The following NTSR2 variants were observed in gnomAD, a reference collection of about 807,000 sequenced individuals.
The protein encoded by NTSR2 is neurotensin receptor type 2.
Under a neutral mutation model 24.1 loss-of-function variants are expected in NTSR2, and 22 were observed. That is an observed-to-expected ratio of 0.91 (90% CI 0.65 to 1.30). NTSR2 has a LOEUF of 1.30. Ranked by LOEUF, NTSR2 falls within the 50% of genes most tolerant of loss-of-function variation. NTSR2 has a pLI of 0.00. For synonymous variants in NTSR2, 291 were observed against 267.0 expected, an observed-to-expected ratio of 1.09 and a Z score of -0.88; for missense variants, 570 against 570.4, an observed-to-expected ratio of 1.00 and a Z score of 0.01.
chr2:11,666,103 C>G (rs931165471), intron 1 of NTSR2: 3 of 152,284 alleles, frequency 2.0e-5, no homozygotes, highest in Middle Eastern at 3.2e-3. Context: ...GATGATACCC[C>G]TTGGTAGAGC....
intron 1 of NTSR2, 46 bp downstream of exon 1, chr2:11,669,460 G>GGGGGGGGGGGGGCCCCCC: frequency 6.3e-5 from 16 of 254,712 alleles, no homozygotes; most frequent in East Asian, 1.6e-4. Context: ...TCCCAGCACC[G>GGGGGGGGGGGGGCCCCCC]CCCCCCCACC....
At chr2:11,666,919 T>A (rs1384262266) in intron 1 of NTSR2, among the ~76,000 whole-genome samples, 4 of 152,022 alleles carry the variant, frequency 2.6e-5, no homozygotes, top group Admixed American at 6.5e-5. Flanking sequence ...AAGGGAGAGC[T>A]GGAGTTAAAC....
intron 1 of NTSR2, among the ~76,000 whole-genome samples, chr2:11,666,182 A>G (rs1661194848): frequency 1.3e-5 from 2 of 152,180 alleles, no homozygotes; most frequent in Admixed American, 1.3e-4. Flanking sequence ...CAAAGAGAGC[A>G]GAGAGATGAG....
chr2:11,669,459 C>CGGGCGGGGG, intron 1 of NTSR2, 47 bp downstream of exon 1: 4 of 337,892 alleles, frequency 1.2e-5, no homozygotes, highest in East Asian at 4.3e-5. Context: ...CTCCCAGCAC[C>CGGGCGGGGG]GCCCCCCCAC....
At position 11,662,090 on chromosome 2, in the gene NTSR2, C is replaced by T; in HGVS notation, c.775G>A (p.Glu259Lys). The T allele has an allele frequency of 6.2e-7, 1 of 1,613,572 alleles. No homozygotes were observed. Among genetic ancestry groups the T allele is most frequent in the Non-Finnish European group, 8.5e-7 (1 of 1,179,894 alleles). ...ACGATGAAGCTGAGGAGACCCTCCT[C>T]ACTCAGCAGCTCCAGGCGGCTGGGG... Reference protein sequence around the residue: ...STPSRLELLSEEGLLSFIVWK... With the variant: ...STPSRLELLSKEGLLSFIVWK... Residue 259 changes from glutamate to lysine, a missense_variant, in exon 2 of 4, where the codon GAG (glutamate) becomes AAG (lysine). Physicochemically the swap from Glu to Lys is moderately conservative, Grantham distance 56. Transcript: ENST00000306928.
rs760557313 is a variant in NTSR2 at position 11,658,552 on chromosome 2, G to T, written c.1160C>A (p.Pro387His). Residue 387 changes from proline to histidine, a missense_variant, in exon 4 of 4, where the codon CCC (proline) becomes CAC (histidine). By Grantham distance (77) the Pro-to-His change is moderately conservative. Transcript: ENST00000306928. Reference protein sequence around the residue: ...CGEHHPMKRLPPKPQSPTLMD... With the variant: ...CGEHHPMKRLHPKPQSPTLMD... ...TAGGGTGGGACTCTGGGGCTTCGGG[G>T]GTAACCGCTTCATGGGGTGGTGCTC... 4 of 1,614,086 alleles carry T rather than the reference G, an allele frequency of 2.5e-6. No individual in the cohort carries two copies. In the Admixed American group the frequency reaches 5.0e-5, roughly 20 times the overall value.
intron 1 of NTSR2, 47 bp downstream of exon 1, chr2:11,669,459 C>CGGGGCGGGGGGGGGGGGGG: frequency 3.0e-6 from 1 of 337,896 alleles, no homozygotes. Flanking sequence ...CTCCCAGCAC[C>CGGGGCGGGGGGGGGGGGGG]GCCCCCCCAC....
Position 11,658,587 on chromosome 2 carries a change from G to A in NTSR2, c.1125C>T (p.Ser375=), listed in dbSNP as rs1201988723. Residue 375 remains serine (S), a synonymous_variant, in exon 4 of 4, where the codon TCC becomes TCT. Transcript: ENST00000306928. ...FRKLFLEAVS[S]LCGEHHPMKR... ...TCATGGGGTGGTGCTCTCCACACAG[G>A]GAGCTGACGGCTTCCAGGAAGAGTT... The A allele has an allele frequency of 1.2e-6, 2 of 1,614,204 alleles. No individual in the cohort carries two copies. The highest frequency in any genetic ancestry group is 1.7e-6 in the Non-Finnish European group (2 of 1,180,040).
In NTSR2 at chr2:11,662,234, C is replaced by T. The variant is rs769566345; in HGVS notation, c.631G>A (p.Val211Met). The T allele has an allele frequency of 6.6e-7, 1 of 1,515,966 alleles. No individual in the cohort carries two copies. Among genetic ancestry groups the T allele is most frequent in the Non-Finnish European group, 8.8e-7 (1 of 1,130,896 alleles). 93.9% of individuals were successfully genotyped at this position (1,515,966 alleles called of 1,614,324 possible). A position where few individuals can be genotyped will look rare whatever the true frequency, so the allele number is the denominator to read the frequency against. Residue 211 changes from valine to methionine, a missense_variant, in exon 2 of 4, where the codon GTG becomes ATG. By Grantham distance (21) the Val-to-Met change is conservative (BLOSUM62 1). Transcript: ENST00000306928. ...AAGGGGAGCACGAAGGACACCAGCA[C>T]ATTCACCTGTGGAGGTAATGCCAAG... The part of the protein sequence containing the change: ...TALQVFIQVN[V>M]LVSFVLPLAL...
rs139577438 is a variant in NTSR2 at position 11,667,310 on chromosome 2, A to G, written c.624+2196T>C. 3.2e-4 allele frequency among the ~76,000 whole-genome samples: 48 copies of G among 152,370 alleles called. No homozygotes were observed. The East Asian group carries it at 6.9e-3, about 22-fold the overall frequency. On this transcript the variant is annotated intron_variant, in intron 1 of 3. Transcript: ENST00000306928. ...GCCTCTTTCCCCTTCCACAATGGCT[A>G]GAATTTTTATTCAGAAACAGATTAT...
chr2:11,662,127 C>G lies in NTSR2; in HGVS notation c.738G>C (p.Pro246=), dbSNP rs1025013196. Residue 246 remains proline (P), a synonymous_variant, in exon 2 of 4, where the codon CCG becomes CCC. Transcript: ENST00000306928. ...LCSQVPSTST[P]GSSTPSRLEL... ...CCAGGCGGCTGGGGGTGGAGCTGCC[C>G]GGGGTAGAAGTGGACGGCACTTGGG... The G allele has an allele frequency of 2.5e-6, 4 of 1,611,908 alleles. No homozygotes were observed. The highest frequency in any genetic ancestry group is 3.4e-6 in the Non-Finnish European group (4 of 1,179,300).
In NTSR2 at chr2:11,670,022, G is replaced by A; in HGVS notation, c.108C>T (p.Thr36=). The A allele has an allele frequency of 6.6e-7, 1 of 1,516,970 alleles. No individual in the cohort carries two copies. The highest frequency in any genetic ancestry group is 8.8e-7 in the Non-Finnish European group (1 of 1,137,988). 94.0% of individuals were successfully genotyped at this position (1,516,970 alleles called of 1,614,324 possible). The stretch of plus-strand genomic sequence containing the variant: ...GCGCCCAGATGAGTGCGTAGAGCGC[G>A]GTGAACAGCACCTTGGCCCAGAGGC... The part of the protein sequence containing the change: ...DTRLWAKVLF[T]ALYALIWALG... The change falls in exon 1 of 4, where the codon ACC becomes ACT. Residue 36 remains threonine, a synonymous_variant. Transcript: ENST00000306928.
At chr2:11,667,474 A>G (rs2148489055) in intron 1 of NTSR2, among the ~76,000 whole-genome samples, 1 of 152,172 alleles carries the variant, frequency 6.6e-6, no homozygotes, top group East Asian at 1.9e-4. Flanking sequence ...AGGCTCCTCA[A>G]CAGCTAGGAC....
At position 11,658,276 on chromosome 2, in the gene NTSR2, T is replaced by C. The variant is rs138316342; in HGVS notation, c.*203A>G. On this transcript the variant is annotated 3_prime_UTR_variant, in exon 4 of 4. Coordinates refer to ENST00000306928, the MANE Select transcript of NTSR2 (RefSeq NM_012344.4). The stretch of plus-strand genomic sequence containing the variant: ...ACTAAGAGATGGGTGCTGTTCTTTA[T>C]CTCCACTACACAGACGAGGGAGCCT... The C allele has an allele frequency of 2.4e-3, 1,337 of 555,618 alleles. 3 individuals carry two copies. The highest frequency in any genetic ancestry group is 3.0e-3 in the Non-Finnish European group (975 of 327,178). 34.4% of individuals were successfully genotyped at this position (555,618 alleles called of 1,614,324 possible). A position where few individuals can be genotyped will look rare whatever the true frequency, so the allele number is the denominator to read the frequency against.
chr2:11,663,287 A>C (rs1046718180), intron 1 of NTSR2, among the ~76,000 whole-genome samples: 7 of 152,320 alleles, frequency 4.6e-5, no homozygotes, highest in African/African-American at 1.7e-4. Flanking sequence ...GGACCCACCG[A>C]GGGATGGAAG....
Position 11,662,012 on chromosome 2 carries a change from CT to C in NTSR2, c.852del (p.Asp285ThrfsTer58). 1 of 1,612,686 alleles carries C rather than the reference CT, an allele frequency of 6.2e-7. No homozygotes were observed. The highest frequency in any genetic ancestry group is 8.5e-7 in the Non-Finnish European group (1 of 1,179,416). ...QGGQVSLVRH[K>X]DVRRIRSLQR... is the part of the protein sequence containing the mutation. Reference sequence around the variant, plus strand: ...TGGAGGCTGCGGATCCGGCGCACGTCTTTATGTCTCACCAGGCTGACCTGGC... The same window carrying C: ...TGGAGGCTGCGGATCCGGCGCACGTCTTATGTCTCACCAGGCTGACCTGGC... On this transcript the variant is annotated frameshift_variant, in exon 2 of 4. Coordinates refer to ENST00000306928, the MANE Select transcript of NTSR2 (RefSeq NM_012344.4). LOFTEE classifies it high-confidence loss of function.
chr2:11,658,435 A>C lies in NTSR2; in HGVS notation c.*44T>G. On this transcript the variant is annotated 3_prime_UTR_variant, in exon 4 of 4. Coordinates refer to ENST00000306928, the MANE Select transcript of NTSR2 (RefSeq NM_012344.4). The stretch of plus-strand genomic sequence containing the variant: ...GCTCACCTGCTTTGCCAGGTGACTA[A>C]GCAGCTGGTCATTTTGCTTGTTCTG... 3 of 1,536,818 alleles carry C rather than the reference A, an allele frequency of 2.0e-6. No homozygotes were observed. The South Asian group carries it at 3.9e-5, about 20-fold the overall frequency.
chr2:11,666,820 G>A (rs1572268909), intron 1 of NTSR2, among the ~76,000 whole-genome samples: 1 of 152,144 alleles, frequency 6.6e-6, no homozygotes, highest in Non-Finnish European at 1.5e-5. Context: ...GAAGGAGAAG[G>A]GCAGAGCAGG....
chr2:11,667,933 G>C (rs1360625467), intron 1 of NTSR2, among the ~76,000 whole-genome samples: 1 of 152,226 alleles, frequency 6.6e-6, no homozygotes, highest in African/African-American at 2.4e-5. Flanking sequence ...GGAAGACGTT[G>C]TTTAAAGAAA....
Sources: allele counts gnomAD v4.1 joint callset (sites outside exome capture counted in the v4.1 genomes callset), GRCh38; gene constraint gnomAD v4.1.1; transcripts MANE v1.5; gene names NCBI Gene and HGNC (gene_info 2026-07-23, HGNC 2026-07-21).